NAALADL2: variants seen among roughly 807,000 people sequenced by gnomAD.
The protein encoded by NAALADL2 is inactive N-acetylated-alpha-linked acidic dipeptidase-like protein 2.
Under a neutral mutation model 87.2 loss-of-function variants are expected in NAALADL2, and 76 were observed. That is an observed-to-expected ratio of 0.87 (90% CI 0.72 to 1.05). The LOEUF is 1.05. NAALADL2 is among the 50% of genes least tolerant of loss of function. The pLI is 0.00. For missense variants in NAALADL2, 1,089 were observed against 945.8 expected (o/e 1.15, Z -1.99); for synonymous variants, 354 against 331.0 (o/e 1.07, Z -0.75).
At chr3:174,558,485 T>C (rs2108506581) in intron 2 of NAALADL2, among the ~76,000 whole-genome samples, 1 of 152,188 alleles carries the variant, frequency 6.6e-6, no homozygotes, top group African/African-American at 2.4e-5. Flanking sequence ...AACTAGACGG[T>C]CCCATCTGGG....
At chr3:175,273,004 C>T (rs897503308) in intron 4 of NAALADL2, among the ~76,000 whole-genome samples, 8 of 151,580 alleles carry the variant, frequency 5.3e-5, no homozygotes, top group African/African-American at 9.7e-5. Flanking sequence ...GAACAAAATC[C>T]GATTTATATT....
At chr3:174,829,622 C>T (rs373231545) in intron 3 of NAALADL2, among the ~76,000 whole-genome samples, 1 of 143,362 alleles carries the variant, frequency 7.0e-6, no homozygotes, top group African/African-American at 2.7e-5. Context: ...GTCCTTTGGG[C>T]ATATACCCAG....
intron 2 of NAALADL2, among the ~76,000 whole-genome samples, chr3:175,143,057 A>T (rs1008294709): frequency 6.6e-6 from 1 of 151,976 alleles, no homozygotes; most frequent in Non-Finnish European, 1.5e-5. Flanking sequence ...CAAAATTCTG[A>T]TGCTTGACAT....
chr3:175,440,300 G>C lies in NAALADL2; in HGVS notation c.1091-6929G>C, dbSNP rs553755340. Among the ~76,000 whole-genome samples the C allele has an allele frequency of 2.9e-4, 44 of 152,274 alleles. 4 individuals carry two copies. Among genetic ancestry groups the C allele is most frequent in the Admixed American group, 1.5e-3 (23 of 15,286 alleles). ...TTGGTGACTATGGCCTTATAGCATA[G>C]TTTGAAGTCAGGTAAGGTAATGCCT... On this transcript the variant is annotated intron_variant, in intron 5 of 13. Transcript: ENST00000454872.
Position 175,803,258 on chromosome 3 carries a change from A to C in NAALADL2, c.*55A>C. On this transcript the variant is annotated 3_prime_UTR_variant, in exon 14 of 14. Transcript: ENST00000454872. ...TTACAATTCCACAAGCAAAAGCTCT[A>C]ATTTAACCAGATTTTCTGACATTGA... 1 of 1,346,890 alleles carries C rather than the reference A, an allele frequency of 7.4e-7. No homozygotes were observed. The highest frequency in any genetic ancestry group is 1.0e-6 in the Non-Finnish European group (1 of 987,926). 83.4% of individuals were successfully genotyped at this position (1,346,890 alleles called of 1,614,324 possible). A position where few individuals can be genotyped will look rare whatever the true frequency, so the allele number is the denominator to read the frequency against.
At chr3:175,646,540 T>G (rs1730029257) in intron 11 of NAALADL2, among the ~76,000 whole-genome samples, 1 of 152,114 alleles carries the variant, frequency 6.6e-6, no homozygotes, top group Admixed American at 6.6e-5. Context: ...GAGACCAGGC[T>G]AATTGTCTTG....
At chr3:174,930,362 TTAAC>T (rs1373581726) in intron 1 of NAALADL2, among the ~76,000 whole-genome samples, 3 of 152,028 alleles carry the variant, frequency 2.0e-5, no homozygotes, top group Non-Finnish European at 4.4e-5. Context: ...TGTATGGACT[TTAAC>T]TAACTTAGAG....
chr3:174,590,266 A>G (rs979437389), intron 2 of NAALADL2, among the ~76,000 whole-genome samples: 1 of 152,096 alleles, frequency 6.6e-6, no homozygotes, highest in African/African-American at 2.4e-5. Context: ...TGAAAAAACT[A>G]TGCAGTTAAT....
chr3:175,359,400 A>G (rs1287757466), intron 5 of NAALADL2, among the ~76,000 whole-genome samples: 1 of 152,116 alleles, frequency 6.6e-6, no homozygotes, highest in African/African-American at 2.4e-5. Context: ...CAACAATGGC[A>G]ATAACAACAA....
At chr3:175,426,217 G>A (rs556273028) in intron 5 of NAALADL2, among the ~76,000 whole-genome samples, 18 of 152,170 alleles carry the variant, frequency 1.2e-4, no homozygotes, top group African/African-American at 2.6e-4. Context: ...ACAAAAATTC[G>A]CTGGACGTGG....
At chr3:174,541,755 T>A (rs1358447923) in intron 1 of NAALADL2, among the ~76,000 whole-genome samples, 1 of 152,200 alleles carries the variant, frequency 6.6e-6, no homozygotes, top group Non-Finnish European at 1.5e-5. Context: ...ATTAGGTACA[T>A]ACTTAAGTAT....
chr3:175,447,450 G>A (rs988110918), intron 6 of NAALADL2, 78 bp downstream of exon 6: 7 of 981,356 alleles, frequency 7.1e-6, no homozygotes, highest in African/African-American at 1.7e-5. Flanking sequence ...CTAAATTGAT[G>A]TATGTAGGAT....
chr3:174,977,599 A>G (rs1744533916), intron 1 of NAALADL2, among the ~76,000 whole-genome samples: 2 of 152,158 alleles, frequency 1.3e-5, no homozygotes, highest in Non-Finnish European at 2.9e-5. Flanking sequence ...TTTTAAGATG[A>G]TGTCTTTTAG....
At chr3:174,634,453 T>A (rs2108707929) in intron 2 of NAALADL2, among the ~76,000 whole-genome samples, 1 of 152,208 alleles carries the variant, frequency 6.6e-6, no homozygotes, top group East Asian at 1.9e-4. Flanking sequence ...GCCACTATTT[T>A]AAAAATGCAA....
chr3:174,656,572 G>A (rs1055061896), intron 2 of NAALADL2, among the ~76,000 whole-genome samples: 6 of 152,164 alleles, frequency 3.9e-5, no homozygotes, highest in Admixed American at 3.9e-4. Context: ...ATTCTTTTCA[G>A]AAGTGTTTTT....
chr3:175,015,410 TGCATTAA>T (rs987627253), intron 1 of NAALADL2, among the ~76,000 whole-genome samples: 55 of 152,094 alleles, frequency 3.6e-4, no homozygotes, highest in African/African-American at 1.2e-3. Context: ...ATTAGAGAAG[TGCATTAA>T]GCAGTCGCCG....
intron 9 of NAALADL2, among the ~76,000 whole-genome samples, chr3:175,524,462 T>G: frequency 6.6e-6 from 1 of 152,140 alleles, no homozygotes; most frequent in East Asian, 1.9e-4. Flanking sequence ...ATAATCTACA[T>G]TTTGGGAGAT....
chr3:174,489,844 A>G lies in NAALADL2; in HGVS notation c.-184+48812A>G, dbSNP rs78298902. ...GTTGTAGAGAAATGGGAATCCTTAT[A>G]TGTAGCAAGTATCGTACCCTTATAT... On this transcript the variant is annotated intron_variant, in intron 1 of 3. Transcript: ENST00000434257. Among the ~76,000 whole-genome samples, 285 of 152,178 alleles carry G rather than the reference A, an allele frequency of 1.9e-3. 1 individual carries two copies. Among genetic ancestry groups the G allele is most frequent in the African/African-American group, 6.7e-3 (278 of 41,562 alleles).
At chr3:175,599,706 A>G (rs1454093714) in intron 10 of NAALADL2, among the ~76,000 whole-genome samples, 2 of 152,186 alleles carry the variant, frequency 1.3e-5, no homozygotes, top group Non-Finnish European at 2.9e-5. Flanking sequence ...TAATGGAGGT[A>G]GAACATATAT....
Sources: allele counts gnomAD v4.1 joint callset (sites outside exome capture counted in the v4.1 genomes callset), GRCh38; gene constraint gnomAD v4.1.1; transcripts MANE v1.5; gene names NCBI Gene and HGNC (gene_info 2026-07-23, HGNC 2026-07-21).